NAALADL2: variants seen among roughly 807,000 people sequenced by gnomAD.
The protein encoded by NAALADL2 is N-acetylated alpha-linked acidic dipeptidase like 2, also known as inactive N-acetylated-alpha-linked acidic dipeptidase-like protein 2.
In NAALADL2, 76 loss-of-function variants were observed where a neutral mutation model predicts 87.2. The ratio of observed to expected loss-of-function variants is 0.87; its 90% CI spans 0.72 to 1.05. The LOEUF (loss-of-function observed/expected upper bound fraction) is 1.05. NAALADL2 is among the 50% of genes least tolerant of loss of function. The probability of loss-of-function intolerance (pLI) is 0.00; values close to 1 mark genes in which losing one functional copy is unlikely to be tolerated. For synonymous variants in NAALADL2, 354 were observed against 331.0 expected (o/e 1.07, Z -0.75); for missense variants, 1,089 against 945.8 (o/e 1.15, Z -1.99).
In NAALADL2 at chr3:175,591,784, GTATA is replaced by G. The variant is rs57196350; in HGVS notation, c.1800+15637_1800+15640del. Among the ~76,000 whole-genome samples the G allele has an allele frequency of 4.3e-3, 595 of 136,836 alleles. 3 individuals carry two copies. Among genetic ancestry groups the G allele is most frequent in the African/African-American group, 0.012 (429 of 35,836 alleles). 89.8% of individuals were successfully genotyped at this position (136,836 alleles called of 152,430 possible). On this transcript the variant is annotated intron_variant, in intron 10 of 13. Transcript: ENST00000454872. ...GCGCATGTGGTGTGTGTGTGTGTGTGTATATATATATATATATATATATATATAT... is the reference window on the plus strand; with the variant it reads ...GCGCATGTGGTGTGTGTGTGTGTGTGTATATATATATATATATATATATAT...
chr3:175,426,867 CAG>C (rs1716868884), intron 5 of NAALADL2, among the ~76,000 whole-genome samples: 1 of 152,098 alleles, frequency 6.6e-6, no homozygotes, highest in African/African-American at 2.4e-5. Context: ...ATTATGGTGT[CAG>C]AGAGAGTGCT....
chr3:175,428,755 T>G (rs1199301927), intron 5 of NAALADL2, among the ~76,000 whole-genome samples: 1 of 152,080 alleles, frequency 6.6e-6, no homozygotes, highest in Non-Finnish European at 1.5e-5. Flanking sequence ...CATCCTCTTT[T>G]AAAGCTTCCA....
At chr3:174,502,902 G>T (rs999411130) in intron 1 of NAALADL2, among the ~76,000 whole-genome samples, 1 of 151,782 alleles carries the variant, frequency 6.6e-6, no homozygotes, top group Non-Finnish European at 1.5e-5. Context: ...GGTGGTGCGC[G>T]CCTGTAGTCT....
At chr3:174,976,355 TAAGTACAC>T (rs1380274970) in intron 1 of NAALADL2, among the ~76,000 whole-genome samples, 1 of 152,204 alleles carries the variant, frequency 6.6e-6, no homozygotes, top group Admixed American at 6.5e-5. Context: ...TAAGCTATTT[TAAGTACAC>T]ATAAGTAAAA....
At chr3:175,316,354 T>C in intron 4 of NAALADL2, among the ~76,000 whole-genome samples, 1 of 152,192 alleles carries the variant, frequency 6.6e-6, no homozygotes, top group South Asian at 2.1e-4. Context: ...TGTCTGCTCC[T>C]TTTTTGTCAA....
chr3:175,293,638 G>T (rs966829114), intron 4 of NAALADL2, among the ~76,000 whole-genome samples: 2 of 152,102 alleles, frequency 1.3e-5, no homozygotes, highest in South Asian at 4.2e-4. Flanking sequence ...TCATAAACGG[G>T]ATCAATGCCC....
chr3:174,973,889 A>G (rs1264875918), intron 1 of NAALADL2, among the ~76,000 whole-genome samples: 1 of 152,210 alleles, frequency 6.6e-6, no homozygotes, highest in Non-Finnish European at 1.5e-5. Flanking sequence ...ATCATGTGGC[A>G]TATGATTGTA....
chr3:174,913,000 C>T lies in NAALADL2; in HGVS notation c.43+53550C>T, dbSNP rs534240921. ...GGTTTCTAAAATACACATATTTCCA[C>T]ATTTTAATATCCCTGAAATAAAGAT... On this transcript the variant is annotated intron_variant, in intron 1 of 13. Coordinates refer to ENST00000454872, the MANE Select transcript of NAALADL2 (RefSeq NM_207015.3). Among the ~76,000 whole-genome samples the T allele has an allele frequency of 3.9e-5, 6 of 152,262 alleles. No homozygotes were observed. In the Middle Eastern group the frequency reaches 0.01, roughly 259 times the overall value.
chr3:175,209,949 C>A (rs1203897921), intron 2 of NAALADL2, among the ~76,000 whole-genome samples: 1 of 151,606 alleles, frequency 6.6e-6, no homozygotes, highest in Non-Finnish European at 1.5e-5. Context: ...ATATTATTAG[C>A]CTGTGATGGG....
At chr3:175,319,268 A>G (rs1274599697) in intron 4 of NAALADL2, among the ~76,000 whole-genome samples, 1 of 152,328 alleles carries the variant, frequency 6.6e-6, no homozygotes, top group South Asian at 2.1e-4. Flanking sequence ...TAGAAGAGAA[A>G]TTAGTCATTT....
intron 9 of NAALADL2, among the ~76,000 whole-genome samples, chr3:175,530,050 G>A (rs1296945339): frequency 1.3e-5 from 2 of 152,156 alleles, no homozygotes; most frequent in Admixed American, 1.3e-4. Context: ...GTCAGACTTG[G>A]TGAGTGAAAG....
At chr3:175,384,529 A>G (rs1489471059) in intron 5 of NAALADL2, among the ~76,000 whole-genome samples, 2 of 152,014 alleles carry the variant, frequency 1.3e-5, no homozygotes, top group African/African-American at 4.8e-5. Flanking sequence ...CTCATTGGAT[A>G]ACAAGAAAAA....
At chr3:175,434,411 C>T (rs1286895218) in intron 5 of NAALADL2, among the ~76,000 whole-genome samples, 2 of 151,960 alleles carry the variant, frequency 1.3e-5, no homozygotes, top group Non-Finnish European at 2.9e-5. Context: ...ACGTCAAAAA[C>T]AGGAAACTGC....
chr3:175,551,563 G>A (rs1268307229), intron 9 of NAALADL2, among the ~76,000 whole-genome samples: 3 of 152,124 alleles, frequency 2.0e-5, no homozygotes, highest in Non-Finnish European at 4.4e-5. Flanking sequence ...CCCTCTCAAA[G>A]TGAGAGTTAT....
At chr3:174,959,507 G>A (rs1024233020) in intron 1 of NAALADL2, among the ~76,000 whole-genome samples, 6 of 151,954 alleles carry the variant, frequency 3.9e-5, no homozygotes, top group Admixed American at 3.3e-4. Context: ...TAACAAGATT[G>A]CTGAGCACAA....
chr3:175,733,592 T>C lies in NAALADL2; in HGVS notation c.1897-3714T>C, dbSNP rs141795923. Among the ~76,000 whole-genome samples the C allele has an allele frequency of 2.7e-3, 406 of 152,222 alleles. 1 individual carries two copies. Among genetic ancestry groups the C allele is most frequent in the African/African-American group, 9.2e-3 (383 of 41,534 alleles). On this transcript the variant is annotated intron_variant, in intron 11 of 13. Coordinates refer to ENST00000454872, the MANE Select transcript of NAALADL2 (RefSeq NM_207015.3). ...CCCCTGGCCCCTCCCAAATCTCATA[T>C]CTTTACATTTCAAAACCAAACATGC... is the stretch of plus-strand genomic sequence containing the variant.
intron 2 of NAALADL2, among the ~76,000 whole-genome samples, chr3:175,112,025 A>G (rs1724273868): frequency 6.6e-6 from 1 of 151,724 alleles, no homozygotes; most frequent in South Asian, 2.1e-4. Context: ...TATATAGCTA[A>G]TAATGGTCCC....
intron 5 of NAALADL2, among the ~76,000 whole-genome samples, chr3:175,331,740 A>G (rs1761425268): frequency 6.6e-6 from 1 of 152,218 alleles, no homozygotes; most frequent in East Asian, 1.9e-4. Flanking sequence ...ATAGTACTGG[A>G]AGTCCTAGCC....
intron 2 of NAALADL2, among the ~76,000 whole-genome samples, chr3:174,657,557 T>C (rs988876568): frequency 6.6e-6 from 1 of 152,132 alleles, no homozygotes; most frequent in Non-Finnish European, 1.5e-5. Context: ...CCCCCACACA[T>C]GCACAGCCTC....
Sources: gnomAD v4.1 joint callset for allele counts (sites outside exome capture counted in the v4.1 genomes callset) on GRCh38, gnomAD v4.1.1 for gene constraint, MANE v1.5 for transcripts, NCBI Gene and HGNC (gene_info 2026-07-23, HGNC 2026-07-21) for gene names.